ENPP2: variants seen among roughly 807,000 people sequenced by gnomAD.
ENPP2 encodes autotaxin.
A neutral mutation model predicts 120.2 loss-of-function variants in ENPP2; 51 were observed. That is an observed-to-expected ratio of 0.42 (90% CI 0.34 to 0.54). ENPP2 has a LOEUF of 0.54. Ranked by LOEUF, ENPP2 falls within the 20% of genes least tolerant of loss-of-function variation. The pLI is 0.04. For synonymous variants in ENPP2, 365 were observed against 366.4 expected (o/e 1.00, Z 0.04); for missense variants, 920 against 1,066.5 (o/e 0.86, Z 1.91).
At chr8:119,622,823 T>A (rs1160761961) in intron 3 of ENPP2, among the ~76,000 whole-genome samples, 2 of 152,112 alleles carry the variant, frequency 1.3e-5, no homozygotes, top group Non-Finnish European at 2.9e-5. Context: ...TGCCAGGATG[T>A]CATAAAGAAC....
chr8:119,591,197 G>T (rs1177891269), intron 12 of ENPP2, among the ~76,000 whole-genome samples: 1 of 151,960 alleles, frequency 6.6e-6, no homozygotes, highest in Non-Finnish European at 1.5e-5. Context: ...AACAATACTG[G>T]CAACAAGAGA....
In ENPP2 at chr8:119,569,227, T is replaced by C. The variant is rs748556533; in HGVS notation, c.2053+8A>G. On this transcript the variant is annotated splice_region_variant and intron_variant, in intron 21 of 24. Transcript: ENST00000075322. Reference sequence around the variant, plus strand: ...TGAAGGCATCAGATCTTGATATTCTTAACTTACAAGGAGGAAAGAGGAATC... The same window carrying C: ...TGAAGGCATCAGATCTTGATATTCTCAACTTACAAGGAGGAAAGAGGAATC... The C allele has an allele frequency of 6.2e-7, 1 of 1,613,720 alleles. No individual in the cohort carries two copies. The highest frequency in any genetic ancestry group is 8.5e-7 in the Non-Finnish European group (1 of 1,179,668).
chr8:119,558,245 C>G (rs949614780), intron 24 of ENPP2, among the ~76,000 whole-genome samples: 1 of 152,170 alleles, frequency 6.6e-6, no homozygotes, highest in Admixed American at 6.5e-5. Flanking sequence ...ACTCAGTTGA[C>G]ACATCTGGCA....
At chr8:119,607,674 C>CAA (rs56095103) in intron 9 of ENPP2, among the ~76,000 whole-genome samples, 7,685 of 98,580 alleles carry the variant, frequency 0.078, 632 homozygotes, top group African/African-American at 0.24. Flanking sequence ...GACTCCATCT[C>CAA]AAAAAAAAAA....
At chr8:119,580,088 A>T in intron 19 of ENPP2, 28 bp downstream of exon 19, 1 of 1,567,504 alleles carries the variant, frequency 6.4e-7, no homozygotes, top group South Asian at 1.1e-5. Flanking sequence ...GAAAAACCTT[A>T]TCTGATTATT....
chr8:119,618,395 T>C, intron 5 of ENPP2: 1 of 464,062 alleles, frequency 2.2e-6, no homozygotes, highest in Admixed American at 2.3e-5. Context: ...CCCAGCCACC[T>C]GTTTGCCTCC....
At chr8:119,646,308 A>G (rs1246299489) in intron 1 of ENPP2, among the ~76,000 whole-genome samples, 2 of 152,180 alleles carry the variant, frequency 1.3e-5, no homozygotes, top group African/African-American at 4.8e-5. Context: ...TTGGCTTCCT[A>G]TCAAAGCAGT....
At chr8:119,589,782 AT>A (rs951452988) in intron 13 of ENPP2, among the ~76,000 whole-genome samples, 12 of 151,728 alleles carry the variant, frequency 7.9e-5, no homozygotes, top group Non-Finnish European at 1.2e-4. Flanking sequence ...ACTCTAAAGA[AT>A]TTTTTTTTCA....
chr8:119,648,459 C>T (rs1817536787), intron 1 of ENPP2, among the ~76,000 whole-genome samples: 1 of 152,178 alleles, frequency 6.6e-6, no homozygotes, highest in African/African-American at 2.4e-5. Context: ...ATTCTGGAAA[C>T]AGCTTTGAAG....
intron 1 of ENPP2, among the ~76,000 whole-genome samples, chr8:119,662,014 G>A (rs1307594724): frequency 6.6e-6 from 1 of 152,092 alleles, no homozygotes; most frequent in African/African-American, 2.4e-5. Flanking sequence ...ACAGAGCCTA[G>A]GGGTGGGAGA....
intron 11 of ENPP2, among the ~76,000 whole-genome samples, chr8:119,596,921 C>T (rs1270990939): frequency 6.6e-6 from 1 of 151,766 alleles, no homozygotes; most frequent in Non-Finnish European, 1.5e-5. Context: ...AAACAGGCCC[C>T]TGATTTGCTG....
At chr8:119,660,929 C>T (rs971656609) in intron 1 of ENPP2, among the ~76,000 whole-genome samples, 1 of 152,122 alleles carries the variant, frequency 6.6e-6, no homozygotes, top group Non-Finnish European at 1.5e-5. Context: ...GAAGACAACC[C>T]AAGGAAATAT....
intron 22 of ENPP2, among the ~76,000 whole-genome samples, chr8:119,567,948 G>A (rs1350092364): frequency 2.0e-5 from 3 of 152,130 alleles, no homozygotes; most frequent in East Asian, 3.8e-4. Context: ...TAAACTACCA[G>A]CCAACCTTCC....
At chr8:119,626,809 C>A in intron 2 of ENPP2, 89 bp from the exon 3 acceptor site, 1 of 1,186,320 alleles carries the variant, frequency 8.4e-7, no homozygotes, top group Non-Finnish European at 1.2e-6. Flanking sequence ...CGGTGTGATG[C>A]TGCAGTGGAC....
intron 1 of ENPP2, among the ~76,000 whole-genome samples, chr8:119,646,162 G>A (rs1179238019): frequency 6.6e-6 from 1 of 151,868 alleles, no homozygotes; most frequent in Non-Finnish European, 1.5e-5. Flanking sequence ...GTAGAGACGG[G>A]GTTTCACTGT....
intron 20 of ENPP2, among the ~76,000 whole-genome samples, chr8:119,569,862 A>T (rs551255622): frequency 6.6e-6 from 1 of 152,096 alleles, no homozygotes; most frequent in African/African-American, 2.4e-5. Flanking sequence ...CCTCCTTTGT[A>T]TTAAAAAATT....
chr8:119,657,864 C>T (rs545795732), intron 1 of ENPP2, among the ~76,000 whole-genome samples: 5 of 152,312 alleles, frequency 3.3e-5, no homozygotes, highest in South Asian at 4.1e-4. Flanking sequence ...CAACCTCAGG[C>T]TAACAATGCT....
At chr8:119,612,555 G>A (rs980535525) in intron 8 of ENPP2, among the ~76,000 whole-genome samples, 1 of 152,086 alleles carries the variant, frequency 6.6e-6, no homozygotes, top group Non-Finnish European at 1.5e-5. Context: ...ACCAATACTG[G>A]CAGAGAGCAA....
intron 20 of ENPP2, among the ~76,000 whole-genome samples, chr8:119,569,982 A>T (rs1814826668): frequency 6.6e-6 from 1 of 152,118 alleles, no homozygotes; most frequent in East Asian, 1.9e-4. Flanking sequence ...GTTAAAAAAC[A>T]ACAGGGCCAG....
Sources: gnomAD v4.1 joint callset for allele counts (sites outside exome capture counted in the v4.1 genomes callset) on GRCh38, gnomAD v4.1.1 for gene constraint, MANE v1.5 for transcripts, NCBI Gene and HGNC (gene_info 2026-07-23, HGNC 2026-07-21) for gene names.